The following JAKMIP1 variants were observed in gnomAD, a reference collection of about 807,000 sequenced individuals.
JAKMIP1 encodes the protein janus kinase and microtubule interacting protein 1.
Under a neutral mutation model 113.0 loss-of-function variants are expected in JAKMIP1, and 33 were observed. The observed-to-expected ratio is 0.29, with a 90% CI of 0.22 to 0.39. The LOEUF (loss-of-function observed/expected upper bound fraction) is 0.39. Among genes scored for constraint, JAKMIP1 ranks in the 10% least tolerant of loss-of-function variants. The pLI is 1.00. For missense variants in JAKMIP1, 813 were observed against 1,080.5 expected, an observed-to-expected ratio of 0.75 and a Z score of 3.47; for synonymous variants, 480 against 459.9, an observed-to-expected ratio of 1.04 and a Z score of -0.56.
intron 8 of JAKMIP1, among the ~76,000 whole-genome samples, chr4:6,066,924 C>CA (rs1718180088): frequency 6.6e-6 from 1 of 151,870 alleles, no homozygotes; most frequent in African/African-American, 2.4e-5. Flanking sequence ...ACACACCTGC[C>CA]ATGGGGCCTT....
At chr4:6,101,761 C>T (rs1397786513) in intron 3 of JAKMIP1, among the ~76,000 whole-genome samples, 1 of 146,108 alleles carries the variant, frequency 6.8e-6, no homozygotes, top group South Asian at 2.2e-4. Flanking sequence ...AAAAAATTAG[C>T]CGGGCATGGT....
intron 2 of JAKMIP1, among the ~76,000 whole-genome samples, chr4:6,112,368 A>G (rs751147794): frequency 2.0e-5 from 3 of 152,206 alleles, no homozygotes; most frequent in Admixed American, 1.3e-4. Context: ...GTTTCTCTGA[A>G]CCTGTTCTGT....
intron 1 of JAKMIP1, among the ~76,000 whole-genome samples, chr4:6,196,872 A>AG (rs1252666980): frequency 2.2e-4 from 33 of 152,126 alleles, no homozygotes; most frequent in African/African-American, 8.0e-4. Flanking sequence ...AAAAAAAAAA[A>AG]AAACAAAAGC....
rs1283658249 is a variant in JAKMIP1, at chr4:6,143,352, C to T, written c.-147-30355G>A. On this transcript the variant is annotated intron_variant, in intron 1 of 20. Transcript: ENST00000409021. The surrounding 1 kb of genome is among the most constrained non-coding windows in gnomAD (Gnocchi z 4.9). Reference sequence around the variant, plus strand: ...AATTCTGGGATCTGGGTGTGGGAAGCCTCCTTTGCCATCAGCAAGGCCTCG... The same window carrying T: ...AATTCTGGGATCTGGGTGTGGGAAGTCTCCTTTGCCATCAGCAAGGCCTCG... Among the ~76,000 whole-genome samples the T allele has an allele frequency of 1.3e-5, 2 of 152,218 alleles. No individual in the cohort carries two copies. The highest frequency in any genetic ancestry group is 4.8e-5 in the African/African-American group (2 of 41,452).
At chr4:6,123,662 A>T (rs1479580396) in intron 1 of JAKMIP1, among the ~76,000 whole-genome samples, 1 of 152,134 alleles carries the variant, frequency 6.6e-6, no homozygotes, top group African/African-American at 2.4e-5. Context: ...TCTACAAAAA[A>T]ATGTAAAAGT....
At chr4:6,152,510 A>C (rs1721690273) in intron 1 of JAKMIP1, among the ~76,000 whole-genome samples, 1 of 152,320 alleles carries the variant, frequency 6.6e-6, no homozygotes, top group African/African-American at 2.4e-5. Flanking sequence ...GGCAGTCTCT[A>C]AGAGAAAACC....
intron 1 of JAKMIP1, among the ~76,000 whole-genome samples, chr4:6,152,663 C>T (rs60238766): frequency 0.02 from 3,101 of 151,542 alleles, 109 homozygotes; most frequent in African/African-American, 0.067. Context: ...GCATCCTGGC[C>T]GAGTGTGGTG....
intron 8 of JAKMIP1, 116 bp downstream of exon 8, chr4:6,078,823 G>A: frequency 2.3e-6 from 2 of 883,382 alleles, no homozygotes; most frequent in East Asian, 4.9e-5. Flanking sequence ...GGCATGCAGA[G>A]ATGTGTGTGT....
Position 6,154,145 on chromosome 4 carries a change from G to A in JAKMIP1, c.-147-41148C>T, listed in dbSNP as rs1435084154. Among the ~76,000 whole-genome samples, 4 of 152,202 alleles carry A rather than the reference G, an allele frequency of 2.6e-5. No individual in the cohort carries two copies. The highest frequency in any genetic ancestry group is 4.4e-5 in the Non-Finnish European group (3 of 68,042). Reference sequence around the variant, plus strand: ...GTGTCCTGCAGAGCTGATAAACCCTGCACTCAGGGAGACACTGACCCTCGC... The same window carrying A: ...GTGTCCTGCAGAGCTGATAAACCCTACACTCAGGGAGACACTGACCCTCGC... On this transcript the variant is annotated intron_variant, in intron 1 of 20. Transcript: ENST00000409021. This position sits in a 1 kb window ranked among gnomAD's most constrained non-coding sequence, Gnocchi z 4.2.
chr4:6,054,334 C>T lies in JAKMIP1; in HGVS notation c.1708-186G>A, dbSNP rs184434529. ...GTGCTGCAGGTCCTTTTTGCTGATGCGGCTGGAAATGAAGGAGACAGAGGC... is the reference window on the plus strand; with the variant it reads ...GTGCTGCAGGTCCTTTTTGCTGATGTGGCTGGAAATGAAGGAGACAGAGGC... On this transcript the variant is annotated intron_variant, in intron 12 of 20. Transcript: ENST00000409021. Among the ~76,000 whole-genome samples the T allele has an allele frequency of 2.5e-4, 38 of 152,270 alleles. No homozygotes were observed. In the East Asian group the frequency reaches 6.0e-3, roughly 24 times the overall value.
Position 6,156,941 on chromosome 4 carries a change from T to C in JAKMIP1, c.-148+43312A>G, listed in dbSNP as rs1722307394. 6.6e-6 allele frequency among the ~76,000 whole-genome samples: 1 copy of C among 152,374 alleles called. No homozygotes were observed. Among genetic ancestry groups the C allele is most frequent in the East Asian group, 1.9e-4 (1 of 5,188 alleles). The stretch of plus-strand genomic sequence containing the variant: ...CAAGTTCCATGGCTAGTGGTTTGAA[T>C]GCGTCCCTCAAAGTTCACTGTTAAT... On this transcript the variant is annotated intron_variant, in intron 1 of 20. Transcript: ENST00000409021. The surrounding 1 kb of genome is among the most constrained non-coding windows in gnomAD (Gnocchi z 5.0).
intron 1 of JAKMIP1, among the ~76,000 whole-genome samples, chr4:6,145,116 C>A (rs1244521304): frequency 6.6e-6 from 1 of 152,094 alleles, no homozygotes; most frequent in Non-Finnish European, 1.5e-5. Flanking sequence ...AAGAAAACAA[C>A]CGGATATAGT....
intron 7 of JAKMIP1, 46 bp from the exon 8 acceptor site, chr4:6,079,044 T>C (rs1362648476): frequency 6.2e-7 from 1 of 1,607,990 alleles, no homozygotes. Context: ...GCCTCACATC[T>C]CACAAACCAA....
intron 8 of JAKMIP1, among the ~76,000 whole-genome samples, chr4:6,071,125 G>T (rs764533511): frequency 6.6e-6 from 1 of 152,246 alleles, no homozygotes; most frequent in Non-Finnish European, 1.5e-5. Flanking sequence ...TATTCCTTTG[G>T]AAGTTTCCAT....
chr4:6,117,101 G>T (rs1298394950), intron 1 of JAKMIP1, among the ~76,000 whole-genome samples: 2 of 152,200 alleles, frequency 1.3e-5, no homozygotes, highest in African/African-American at 2.4e-5. Context: ...TCGTGTGCCC[G>T]TGAAGCTGGC....
chr4:6,098,546 A>AAAAGAAAGAAAG (rs759936324), intron 3 of JAKMIP1, among the ~76,000 whole-genome samples: 1,476 of 46,494 alleles, frequency 0.032, 38 homozygotes, highest in African/African-American at 0.068. Context: ...GAGAGAAAGA[A>AAAAGAAAGAAAG]AAAGAAAGAA....
intron 1 of JAKMIP1, among the ~76,000 whole-genome samples, chr4:6,149,687 T>G (rs1199035689): frequency 1.3e-5 from 2 of 152,122 alleles, no homozygotes; most frequent in African/African-American, 4.8e-5. Flanking sequence ...GTTCCCTTTC[T>G]CCCTGCAGGG....
In JAKMIP1 at chr4:6,050,727, C is replaced by T. The variant is rs962787716; in HGVS notation, c.1807-48G>A. The T allele has an allele frequency of 6.3e-6, 9 of 1,433,594 alleles. No individual in the cohort carries two copies. The highest frequency in any genetic ancestry group is 8.6e-6 in the Non-Finnish European group (9 of 1,041,056). The allele number at this position is 1,433,594 out of a possible 1,614,324, so 88.8% of individuals were successfully genotyped here. ...AAACAGAATGTGACCGGATTATTTA[C>T]CACTTGCCATTTTCCCACGTTACTC... On this transcript the variant is annotated intron_variant, in intron 13 of 20. Coordinates refer to ENST00000409021, the MANE Select transcript of JAKMIP1 (RefSeq NM_001099433.2). This position sits in a 1 kb window ranked among gnomAD's most constrained non-coding sequence, Gnocchi z 7.4.
intron 1 of JAKMIP1, among the ~76,000 whole-genome samples, chr4:6,144,422 A>T (rs1013265572): frequency 6.6e-6 from 1 of 152,240 alleles, no homozygotes; most frequent in African/African-American, 2.4e-5. Flanking sequence ...CCAGACAAAG[A>T]TATCATATGA....
Sources: allele counts gnomAD v4.1 joint callset (sites outside exome capture counted in the v4.1 genomes callset), GRCh38; gene constraint gnomAD v4.1.1; non-coding constraint Gnocchi (gnomAD v3.1); transcripts MANE v1.5; gene names NCBI Gene and HGNC (gene_info 2026-07-23, HGNC 2026-07-21).